The following GMDS variants were observed in gnomAD, a reference collection of about 807,000 sequenced individuals.
GMDS encodes the protein GDP-mannose 4,6 dehydratase.
Under a neutral mutation model 49.9 loss-of-function variants are expected in GMDS, and 20 were observed. That is an observed-to-expected ratio of 0.40 (90% CI 0.28 to 0.58). The LOEUF (loss-of-function observed/expected upper bound fraction) is 0.58, where lower values mean the gene tolerates loss of function less well. Among genes scored for constraint, GMDS ranks in the 20% least tolerant of loss-of-function variants. The probability of loss-of-function intolerance (pLI) is 0.42; values close to 1 mark genes in which losing one functional copy is unlikely to be tolerated. For synonymous variants in GMDS, 177 were observed against 178.6 expected (o/e 0.99, Z 0.07); for missense variants, 362 against 481.4 (o/e 0.75, Z 2.32).
intron 9 of GMDS, among the ~76,000 whole-genome samples, chr6:1,627,195 A>G (rs1329651650): frequency 6.6e-6 from 1 of 152,210 alleles, no homozygotes; most frequent in East Asian, 1.9e-4. Flanking sequence ...AGCTTGTTTT[A>G]CACTTAACTG....
chr6:1,910,631 T>G (rs559074713), intron 7 of GMDS, among the ~76,000 whole-genome samples: 2 of 152,286 alleles, frequency 1.3e-5, no homozygotes, highest in South Asian at 4.1e-4. Context: ...AGGAAGAGGC[T>G]GAGGACCCAA....
At chr6:1,793,582 G>A (rs900310106) in intron 7 of GMDS, among the ~76,000 whole-genome samples, 2 of 152,194 alleles carry the variant, frequency 1.3e-5, no homozygotes, top group African/African-American at 4.8e-5. Context: ...ACCGCAGGTG[G>A]AGACTGGAGT....
chr6:2,121,960 T>C (rs1775160576), intron 2 of GMDS, among the ~76,000 whole-genome samples: 1 of 152,158 alleles, frequency 6.6e-6, no homozygotes, highest in Admixed American at 6.5e-5. Context: ...GTGCCTTTCT[T>C]TTCTAGAAAG....
chr6:1,809,641 G>A (rs1221602999), intron 7 of GMDS, among the ~76,000 whole-genome samples: 1 of 152,162 alleles, frequency 6.6e-6, no homozygotes, highest in African/African-American at 2.4e-5. Context: ...TTTGTAGGCC[G>A]AGTAACAGGA....
At chr6:1,793,443 A>G (rs1315613365) in intron 7 of GMDS, among the ~76,000 whole-genome samples, 2 of 152,222 alleles carry the variant, frequency 1.3e-5, no homozygotes, top group African/African-American at 2.4e-5. Flanking sequence ...GAAACCTTAA[A>G]TGACCTCTTT....
intron 6 of GMDS, among the ~76,000 whole-genome samples, chr6:1,936,114 A>G (rs1762518013): frequency 6.6e-6 from 1 of 152,166 alleles, no homozygotes; most frequent in African/African-American, 2.4e-5. Flanking sequence ...TATGTTAGTT[A>G]TGCATAATTC....
chr6:2,139,897 G>C (rs1444439162), intron 1 of GMDS, among the ~76,000 whole-genome samples: 1 of 152,230 alleles, frequency 6.6e-6, no homozygotes, highest in Admixed American at 6.5e-5. Context: ...GAGGGAGAAA[G>C]ACTTGAGCTG....
At chr6:1,839,628 C>T (rs968595146) in intron 7 of GMDS, among the ~76,000 whole-genome samples, 1 of 152,230 alleles carries the variant, frequency 6.6e-6, no homozygotes, top group South Asian at 2.1e-4. Context: ...TCTGACCACT[C>T]TAGTCTATTC....
intron 1 of GMDS, among the ~76,000 whole-genome samples, chr6:2,159,506 CTTTTTTTCTTTTTTTT>C (rs1777278518): frequency 7.4e-6 from 1 of 134,946 alleles, no homozygotes; most frequent in Non-Finnish European, 1.6e-5. Flanking sequence ...TTCAATATTT[CTTTTTTTCTTTTTTTT>C]TTTTTTTTTT....
At chr6:1,831,573 A>G (rs1217149000) in intron 7 of GMDS, among the ~76,000 whole-genome samples, 1 of 152,246 alleles carries the variant, frequency 6.6e-6, no homozygotes, top group Non-Finnish European at 1.5e-5. Flanking sequence ...ACACTGTAGG[A>G]TGCCATGTCA....
chr6:1,698,193 C>A (rs750657625), intron 9 of GMDS, among the ~76,000 whole-genome samples: 54 of 152,358 alleles, frequency 3.5e-4, no homozygotes, highest in Non-Finnish European at 6.2e-4. Flanking sequence ...CCCTGGCAAG[C>A]ACAGTTTATC....
chr6:2,243,854 T>C (rs1781730426), intron 1 of GMDS, among the ~76,000 whole-genome samples: 1 of 104,142 alleles, frequency 9.6e-6, no homozygotes, highest in Non-Finnish European at 1.8e-5. Context: ...TTTTTTTTTT[T>C]TTTTTTTTTT....
At position 1,905,657 on chromosome 6, in the gene GMDS, T is replaced by C; in HGVS notation, c.771+24446A>G. ...TGCATGTGGGGCCAGCACATAGCTG[T>C]GGGTGCTGGCGTGTAGGTGGGGCCT... On this transcript the variant is annotated intron_variant, in intron 7 of 10. Coordinates refer to ENST00000380815, the MANE Select transcript of GMDS (RefSeq NM_001500.4). Among the ~76,000 whole-genome samples the C allele has an allele frequency of 2.3e-5, 2 of 86,702 alleles. 1 individual carries two copies. The highest frequency in any genetic ancestry group is 4.8e-5 in the Non-Finnish European group (2 of 41,422). 56.9% of individuals were successfully genotyped at this position (86,702 alleles called of 152,430 possible).
intron 4 of GMDS, among the ~76,000 whole-genome samples, chr6:2,058,252 G>A (rs1299932960): frequency 6.6e-6 from 1 of 151,522 alleles, no homozygotes; most frequent in Non-Finnish European, 1.5e-5. Context: ...CAGCTACTGA[G>A]GAGAATCACT....
intron 1 of GMDS, among the ~76,000 whole-genome samples, chr6:2,195,178 G>A (rs547836773): frequency 6.6e-5 from 10 of 152,164 alleles, no homozygotes; most frequent in East Asian, 1.9e-4. Flanking sequence ...AAGAAAAAAC[G>A]GATTTGAATT....
intron 4 of GMDS, among the ~76,000 whole-genome samples, chr6:2,028,202 T>G (rs56098578): frequency 0.28 from 42,198 of 152,108 alleles, 5,856 homozygotes; most frequent in South Asian, 0.3. Context: ...TCCATTTAGT[T>G]TAATTCATAA....
At chr6:2,225,563 C>T (rs1253022238) in intron 1 of GMDS, among the ~76,000 whole-genome samples, 1 of 152,108 alleles carries the variant, frequency 6.6e-6, no homozygotes, top group Non-Finnish European at 1.5e-5. Context: ...ATGCAAATGA[C>T]GAATCATTTG....
In GMDS at chr6:2,136,119, G is replaced by C. The variant is rs149342770; in HGVS notation, c.103-11388C>G. Among the ~76,000 whole-genome samples the C allele has an allele frequency of 2.6e-4, 40 of 152,322 alleles. No individual in the cohort carries two copies. The East Asian group carries it at 7.7e-3, about 29-fold the overall frequency. The stretch of plus-strand genomic sequence containing the variant: ...TGTGTATCTACACAGAAAAGGTACA[G>C]TGAAAATATGGTATCTTATGGGACT... On this transcript the variant is annotated intron_variant, in intron 1 of 10. Coordinates refer to ENST00000380815, the MANE Select transcript of GMDS (RefSeq NM_001500.4).
chr6:1,941,014 G>A (rs1386591268), intron 6 of GMDS, among the ~76,000 whole-genome samples: 2 of 151,992 alleles, frequency 1.3e-5, no homozygotes, highest in Non-Finnish European at 2.9e-5. Flanking sequence ...TGCCCTGGTT[G>A]AGAACCATGG....
Sources: allele counts gnomAD v4.1 joint callset (sites outside exome capture counted in the v4.1 genomes callset), GRCh38; gene constraint gnomAD v4.1.1; transcripts MANE v1.5; gene names NCBI Gene and HGNC (gene_info 2026-07-23, HGNC 2026-07-21).